The following CCDC15 variants were observed in gnomAD, a reference collection of about 807,000 sequenced individuals.
CCDC15 encodes the protein coiled-coil domain containing 15.
A neutral mutation model predicts 114.5 loss-of-function variants in CCDC15; 105 were observed. The ratio of observed to expected loss-of-function variants is 0.92; its 90% CI spans 0.78 to 1.08. The LOEUF (loss-of-function observed/expected upper bound fraction) is 1.08, where lower values mean the gene tolerates loss of function less well. Ranked by LOEUF, CCDC15 falls within the 50% of genes least tolerant of loss-of-function variation. The pLI, the probability that CCDC15 is intolerant of heterozygous loss-of-function variation, is 0.00. For synonymous variants in CCDC15, 334 were observed against 377.8 expected, an observed-to-expected ratio of 0.88 and a Z score of 1.34; for missense variants, 1,105 against 1,093.6, an observed-to-expected ratio of 1.01 and a Z score of -0.15.
rs555509134 is a variant in CCDC15, at chr11:124,992,457, G to A, written c.2032-123G>A. On this transcript the variant is annotated intron_variant, in intron 9 of 15. Coordinates refer to ENST00000344762, the MANE Select transcript of CCDC15 (RefSeq NM_025004.3). Reference sequence around the variant, plus strand: ...TGTAACATCTCCCTCATATCAAAACGTATCAGAATATTTTTACCTGGTTTC... The same window carrying A: ...TGTAACATCTCCCTCATATCAAAACATATCAGAATATTTTTACCTGGTTTC... The A allele has an allele frequency of 2.6e-5, 16 of 624,434 alleles. 1 individual carries two copies. The highest frequency in any genetic ancestry group is 2.4e-4 in the South Asian group (12 of 50,586). The allele number at this position is 624,434 out of a possible 1,614,324, so 38.7% of individuals were successfully genotyped here. A position where few individuals can be genotyped will look rare whatever the true frequency, so the allele number is the denominator to read the frequency against.
At position 124,987,310 on chromosome 11, in the gene CCDC15, G is replaced by T. The variant is rs1948185473; in HGVS notation, c.1084G>T (p.Ala362Ser). 3.7e-6 allele frequency: 6 copies of T among 1,612,694 alleles called. No homozygotes were observed. The highest frequency in any genetic ancestry group is 1.3e-5 in the African/African-American group (1 of 74,842). Residue 362 changes from alanine to serine, a missense_variant, in exon 8 of 16, where the codon GCT becomes TCT. Ala to Ser is a moderately conservative substitution (Grantham distance 99, BLOSUM62 1). Transcript: ENST00000344762. Reference protein sequence around the residue: ...GIQSVKPDTQAVEMKVQVTEP... With the variant: ...GIQSVKPDTQSVEMKVQVTEP... Reference sequence around the variant, plus strand: ...CCAGAGTGTTAAGCCAGATACCCAGGCTGTTGAAATGAAGGTTCAGGTTAC... The same window carrying T: ...CCAGAGTGTTAAGCCAGATACCCAGTCTGTTGAAATGAAGGTTCAGGTTAC...
At chr11:124,972,282 T>A (rs1591577931) in intron 4 of CCDC15, among the ~76,000 whole-genome samples, 1 of 152,316 alleles carries the variant, frequency 6.6e-6, no homozygotes, top group Admixed American at 6.5e-5. Flanking sequence ...AAAAGACTTT[T>A]GGTCAAATTT....
At chr11:124,990,950 G>T (rs1948258166) in intron 8 of CCDC15, among the ~76,000 whole-genome samples, 1 of 152,162 alleles carries the variant, frequency 6.6e-6, no homozygotes, top group African/African-American at 2.4e-5. Flanking sequence ...GGACTTTTGT[G>T]GAATGGAGTG....
intron 13 of CCDC15, among the ~76,000 whole-genome samples, chr11:125,022,594 C>G (rs138280935): frequency 0.018 from 2,741 of 151,912 alleles, 62 homozygotes; most frequent in Non-Finnish European, 0.022. Flanking sequence ...ATCTTTCAGC[C>G]TTTGTAGGAT....
In CCDC15 at chr11:124,975,224, A is replaced by T. The variant is rs1947954338; in HGVS notation, c.630+15A>T. ...TTACCAGAGAGGTAAATTAATTTCT[A>T]ATACATGATTTAAAAAAATACAGGT... On this transcript the variant is annotated intron_variant, in intron 5 of 15. Transcript: ENST00000344762. 6.9e-7 allele frequency: 1 copy of T among 1,439,990 alleles called. No homozygotes were observed. The highest frequency in any genetic ancestry group is 9.5e-7 in the Non-Finnish European group (1 of 1,054,858). The allele number at this position is 1,439,990 out of a possible 1,614,324, so 89.2% of individuals were successfully genotyped here.
Position 124,975,627 on chromosome 11 carries a change from C to T in CCDC15, c.630+418C>T, listed in dbSNP as rs572460491. On this transcript the variant is annotated intron_variant, in intron 5 of 15. Transcript: ENST00000344762. ...TGCTAGTTGGGAAGCATATAATAAA[C>T]AAGCAAATAAATATAGAATATAATT... 2.0e-5 allele frequency among the ~76,000 whole-genome samples: 3 copies of T among 152,138 alleles called. No homozygotes were observed. In the South Asian group the frequency reaches 6.2e-4, roughly 32 times the overall value.
chr11:124,955,097 G>T (rs567713446), intron 2 of CCDC15, among the ~76,000 whole-genome samples, 188 bp downstream of exon 2: 1 of 152,234 alleles, frequency 6.6e-6, no homozygotes, highest in Admixed American at 6.5e-5. Flanking sequence ...GCTTTAGTTG[G>T]CATAATCAAA....
chr11:124,993,158 T>C lies in CCDC15; in HGVS notation c.2140-11T>C, dbSNP rs776833188. On this transcript the variant is annotated splice_polypyrimidine_tract_variant and intron_variant, in intron 10 of 15. Coordinates refer to ENST00000344762, the MANE Select transcript of CCDC15 (RefSeq NM_025004.3). ...TTAGACAATCAGTTTTGTATTTTGT[T>C]GTTCCTTTAGAACAAGCATATCAAA... 3 of 1,566,982 alleles carry C rather than the reference T, an allele frequency of 1.9e-6. No individual in the cohort carries two copies. Among genetic ancestry groups the C allele is most frequent in the South Asian group, 2.3e-5 (2 of 88,098 alleles).
Position 125,038,585 on chromosome 11 carries a change from A to C in CCDC15, c.2566A>C (p.Arg856=). The C allele has an allele frequency of 6.4e-7, 1 of 1,569,544 alleles. No individual in the cohort carries two copies. The highest frequency in any genetic ancestry group is 8.6e-7 in the Non-Finnish European group (1 of 1,161,018). ...AAAAGGAACCAGAGAAAAACAACAG[A>C]GAGAAAAAGAATACCTGAGGTAATT... ...EIKGTREKQQ[R]EKEYLRYVEA... The change falls in exon 14 of 16, where the codon AGA becomes CGA. Residue 856 remains arginine (R), a synonymous_variant. Coordinates refer to ENST00000344762, the MANE Select transcript of CCDC15 (RefSeq NM_025004.3).
intron 13 of CCDC15, among the ~76,000 whole-genome samples, chr11:125,025,460 C>G (rs1026239908): frequency 2.0e-5 from 3 of 151,794 alleles, no homozygotes; most frequent in Non-Finnish European, 4.4e-5. Context: ...GTTCTCTCCT[C>G]TTCAGTTTTA....
chr11:125,011,239 A>ATTTTTTTTTTTT (rs1398467750), intron 13 of CCDC15, among the ~76,000 whole-genome samples: 9 of 135,134 alleles, frequency 6.7e-5, no homozygotes, highest in African/African-American at 2.3e-4. Flanking sequence ...TATTATTATT[A>ATTTTTTTTTTTT]TTATTATTAT....
chr11:125,004,422 T>C (rs934139067), intron 12 of CCDC15, among the ~76,000 whole-genome samples: 2 of 152,038 alleles, frequency 1.3e-5, no homozygotes, highest in Non-Finnish European at 2.9e-5. Flanking sequence ...ATTTTTGTTT[T>C]TTAAAAATAC....
At chr11:125,010,361 G>T (rs1364964343) in intron 13 of CCDC15, among the ~76,000 whole-genome samples, 4 of 146,930 alleles carry the variant, frequency 2.7e-5, no homozygotes, top group Non-Finnish European at 6.0e-5. Flanking sequence ...TAATGGGGTT[G>T]TTTTTTGCTT....
At position 124,954,804 on chromosome 11, in the gene CCDC15, G is replaced by A; in HGVS notation, c.72G>A (p.Lys24=). The change falls in exon 2 of 16, where the codon AAG becomes AAA. Residue 24 remains lysine (K), a synonymous_variant. Transcript: ENST00000344762. Reference sequence around the variant, plus strand: ...TGCCCCTGGCTTTAAACCCCCTGAAGAGCAAGGACGTGTTGGCAGTGCTGG... The same window carrying A: ...TGCCCCTGGCTTTAAACCCCCTGAAAAGCAAGGACGTGTTGGCAGTGCTGG... ...SRLPLALNPL[K]SKDVLAVLAE... The A allele has an allele frequency of 1.9e-6, 3 of 1,614,020 alleles. No homozygotes were observed. The highest frequency in any genetic ancestry group is 2.5e-6 in the Non-Finnish European group (3 of 1,179,888).
chr11:125,003,952 A>C lies in CCDC15; in HGVS notation c.2300A>C (p.Lys767Thr). 3.3e-6 allele frequency: 5 copies of C among 1,517,530 alleles called. No individual in the cohort carries two copies. Among genetic ancestry groups the C allele is most frequent in the Non-Finnish European group, 4.4e-6 (5 of 1,132,314 alleles). The allele number at this position is 1,517,530 out of a possible 1,614,324, so 94.0% of individuals were successfully genotyped here. A position where few individuals can be genotyped will look rare whatever the true frequency, so the allele number is the denominator to read the frequency against. The change falls in exon 12 of 16, where the codon AAG becomes ACG. Residue 767 changes from lysine to threonine, a missense_variant. By Grantham distance (78) the Lys-to-Thr change is moderately conservative. Coordinates refer to ENST00000344762, the MANE Select transcript of CCDC15 (RefSeq NM_025004.3). The part of the protein sequence containing the change: ...FQSDVDKEED[K>T]KERQKQYLRH... ...TCTGACGTGGATAAAGAAGAAGATA[A>C]GAAAGAGGTATGTAATGATACTGCT...
chr11:125,015,429 A>AT (rs2135532197), intron 13 of CCDC15, among the ~76,000 whole-genome samples: 1 of 152,306 alleles, frequency 6.6e-6, no homozygotes, highest in South Asian at 2.1e-4. Flanking sequence ...ACAGACATTA[A>AT]ATCACAGTAA....
chr11:124,991,489 A>G lies in CCDC15; in HGVS notation c.1937A>G (p.Asp646Gly). ...QKVHFKEPYS[D>G]MTDEKGREDF... ...GTACACTTTAAGGAGCCATACTCTG[A>G]TATGACAGATGAGAAAGGGAGAGAA... The change falls in exon 9 of 16, where the codon GAT becomes GGT. Residue 646 changes from aspartate (D) to glycine (G), a missense_variant. Asp to Gly is a moderately conservative substitution (Grantham distance 94, BLOSUM62 -1). Coordinates refer to ENST00000344762, the MANE Select transcript of CCDC15 (RefSeq NM_025004.3). 6.3e-7 allele frequency: 1 copy of G among 1,598,204 alleles called. No homozygotes were observed. The highest frequency in any genetic ancestry group is 8.6e-7 in the Non-Finnish European group (1 of 1,166,650).
chr11:124,964,218 T>C (rs1947725383), intron 4 of CCDC15, among the ~76,000 whole-genome samples: 1 of 152,208 alleles, frequency 6.6e-6, no homozygotes, highest in South Asian at 2.1e-4. Flanking sequence ...ACTGAATCTA[T>C]AAATTACCTT....
intron 11 of CCDC15, among the ~76,000 whole-genome samples, chr11:125,003,486 T>C (rs1321114227): frequency 6.6e-6 from 1 of 151,962 alleles, no homozygotes; most frequent in Non-Finnish European, 1.5e-5. Context: ...GTTGTATAAA[T>C]TCAAAGTGAT....
Sources: gnomAD v4.1 joint callset for allele counts (sites outside exome capture counted in the v4.1 genomes callset) on GRCh38, gnomAD v4.1.1 for gene constraint, MANE v1.5 for transcripts, NCBI Gene and HGNC (gene_info 2026-07-23, HGNC 2026-07-21) for gene names.